Variants in DCC observed in about 807,000 individuals in gnomAD.
DCC encodes netrin receptor DCC.
Under a neutral mutation model 172.5 loss-of-function variants are expected in DCC, and 58 were observed. The observed-to-expected ratio is 0.34, with a 90% confidence interval of 0.27 to 0.42. DCC has a LOEUF of 0.42. Ranked by LOEUF, DCC falls within the 10% of genes least tolerant of loss-of-function variation. The pLI is 1.00. For synonymous variants in DCC, 709 were observed against 644.5 expected, an observed-to-expected ratio of 1.10 and a Z score of -1.52; for missense variants, 1,740 against 1,791.0, an observed-to-expected ratio of 0.97 and a Z score of 0.51.
At chr18:52,955,140 A>C (rs2040721182) in intron 5 of DCC, among the ~76,000 whole-genome samples, 1 of 152,188 alleles carries the variant, frequency 6.6e-6, no homozygotes, top group African/African-American at 2.4e-5. Flanking sequence ...GCAAAGATAT[A>C]ATGACAAGTA....
intron 8 of DCC, among the ~76,000 whole-genome samples, chr18:53,161,518 T>C (rs911692409): frequency 3.3e-5 from 5 of 152,362 alleles, no homozygotes; most frequent in African/African-American, 1.2e-4. Context: ...CATGCTGATG[T>C]GTTCCAAATT....
intron 5 of DCC, among the ~76,000 whole-genome samples, chr18:52,979,302 T>C (rs1331274152): frequency 6.6e-6 from 1 of 151,916 alleles, no homozygotes; most frequent in Non-Finnish European, 1.5e-5. Context: ...TCCTGGGAGA[T>C]AGGAGGAAAG....
At chr18:52,646,027 T>C (rs2035011408) in intron 1 of DCC, among the ~76,000 whole-genome samples, 1 of 152,182 alleles carries the variant, frequency 6.6e-6, no homozygotes, top group Non-Finnish European at 1.5e-5. Context: ...GATTTTGCTT[T>C]AGTTTGCATG....
At chr18:52,451,761 C>A (rs887132588) in intron 1 of DCC, among the ~76,000 whole-genome samples, 19 of 151,980 alleles carry the variant, frequency 1.3e-4, no homozygotes, top group African/African-American at 4.1e-4. Flanking sequence ...AGAACTGAGT[C>A]GGCTCGTAGG....
intron 12 of DCC, among the ~76,000 whole-genome samples, chr18:53,245,859 G>T (rs1367455773): frequency 6.6e-6 from 1 of 151,972 alleles, no homozygotes; most frequent in East Asian, 1.9e-4. Flanking sequence ...TTACTTGTCA[G>T]GCTTTCGTAG....
chr18:52,487,242 A>G (rs1281894741), intron 1 of DCC, among the ~76,000 whole-genome samples: 1 of 152,086 alleles, frequency 6.6e-6, no homozygotes, highest in Admixed American at 6.6e-5. Flanking sequence ...CCAGTGACTA[A>G]GAAATATAAA....
In DCC at chr18:52,925,331, A is replaced by T. The variant is rs772647323; in HGVS notation, c.946A>T (p.Asn316Tyr). The T allele has an allele frequency of 6.2e-7, 1 of 1,612,576 alleles. No individual in the cohort carries two copies. Among genetic ancestry groups the T allele is most frequent in the South Asian group, 1.1e-5 (1 of 91,088 alleles). The change falls in exon 5 of 29, where the codon AAT becomes TAT. Residue 316 changes from asparagine to tyrosine, a missense_variant. This residue lies in a region of DCC where 1,732 missense variants were observed against 1,767.4 expected (regional missense o/e 0.98). Transcript: ENST00000442544. ...GTATACCTGTGTTGTCACATATAAA[A>T]ATGAGAATATTAGTGCCTCTGCAGA... ...GMYTCVVTYK[N>Y]ENISASAELT...
At chr18:53,144,220 A>T (rs1165239756) in intron 7 of DCC, among the ~76,000 whole-genome samples, 2 of 152,146 alleles carry the variant, frequency 1.3e-5, no homozygotes, top group Non-Finnish European at 2.9e-5. Flanking sequence ...TTCCTCATGT[A>T]GAAGTTTTTG....
intron 23 of DCC, among the ~76,000 whole-genome samples, chr18:53,456,553 A>G (rs1220587683): frequency 6.6e-6 from 1 of 152,224 alleles, no homozygotes. Flanking sequence ...ATAATTCACT[A>G]TGATAGTGCT....
At position 52,751,903 on chromosome 18, in the gene DCC, A is replaced by G. The variant is rs186937329; in HGVS notation, c.92-151A>G. 1.7e-4 allele frequency: 116 copies of G among 679,158 alleles called. 1 individual carries two copies. In the Admixed American group the frequency reaches 3.1e-3, roughly 18 times the overall value. 42.1% of individuals were successfully genotyped at this position (679,158 alleles called of 1,614,324 possible). A position where few individuals can be genotyped will look rare whatever the true frequency, so the allele number is the denominator to read the frequency against. Reference sequence around the variant, plus strand: ...CTGGGTACTTTTTTGCTTATTTAACATAATATCCTTGATTTTAGTTTTTAT... The same window carrying G: ...CTGGGTACTTTTTTGCTTATTTAACGTAATATCCTTGATTTTAGTTTTTAT... On this transcript the variant is annotated intron_variant, in intron 1 of 28. Transcript: ENST00000442544.
intron 3 of DCC, among the ~76,000 whole-genome samples, chr18:52,908,664 A>G (rs2039925359): frequency 6.6e-6 from 1 of 152,134 alleles, no homozygotes; most frequent in African/African-American, 2.4e-5. Flanking sequence ...TTGTTTCTTC[A>G]CCTTGCAACA....
At chr18:53,406,023 TA>T (rs1307396884) in intron 19 of DCC, among the ~76,000 whole-genome samples, 1 of 152,190 alleles carries the variant, frequency 6.6e-6, no homozygotes, top group African/African-American at 2.4e-5. Context: ...TGGTAATTTT[TA>T]AAAGCTTCCC....
At chr18:52,376,258 C>T (rs903266186) in intron 1 of DCC, among the ~76,000 whole-genome samples, 1 of 152,156 alleles carries the variant, frequency 6.6e-6, no homozygotes, top group African/African-American at 2.4e-5. Context: ...GTCATACATA[C>T]TCCAATTAAG....
intron 2 of DCC, among the ~76,000 whole-genome samples, chr18:52,837,090 C>T (rs1414102486): frequency 1.3e-5 from 2 of 152,198 alleles, no homozygotes; most frequent in East Asian, 1.9e-4. Context: ...TTGACCATGG[C>T]TGGAGTGTCT....
chr18:53,304,290 C>T (rs1009392882), intron 12 of DCC, among the ~76,000 whole-genome samples: 9 of 152,138 alleles, frequency 5.9e-5, no homozygotes, highest in African/African-American at 2.2e-4. Context: ...CCTTCTTTTA[C>T]CCAGTATTTC....
chr18:53,322,679 A>T (rs1239485949), intron 14 of DCC, among the ~76,000 whole-genome samples: 2 of 151,766 alleles, frequency 1.3e-5, no homozygotes, highest in African/African-American at 4.8e-5. Context: ...ATTTATCAGT[A>T]GGATATTAGG....
intron 1 of DCC, among the ~76,000 whole-genome samples, chr18:52,401,535 A>G (rs539538275): frequency 2.8e-4 from 43 of 152,168 alleles, no homozygotes; most frequent in African/African-American, 9.6e-4. Flanking sequence ...TTACTGACTT[A>G]ATTGACTCAG....
intron 13 of DCC, among the ~76,000 whole-genome samples, chr18:53,316,730 G>A (rs1172097632): frequency 6.6e-6 from 1 of 152,028 alleles, no homozygotes; most frequent in Non-Finnish European, 1.5e-5. Flanking sequence ...ATTGTGAATG[G>A]GAGTTCACTT....
intron 1 of DCC, among the ~76,000 whole-genome samples, chr18:52,455,554 G>T (rs1988431196): frequency 6.6e-6 from 1 of 152,122 alleles, no homozygotes; most frequent in African/African-American, 2.4e-5. Context: ...ATCAAATTTG[G>T]CCAGTGGCCT....
Sources: allele counts gnomAD v4.1 joint callset (sites outside exome capture counted in the v4.1 genomes callset), GRCh38; gene constraint gnomAD v4.1.1; regional missense constraint gnomAD v4.1.1; transcripts MANE v1.5; gene names NCBI Gene and HGNC (gene_info 2026-07-23, HGNC 2026-07-21).